RBM41: variants seen among roughly 807,000 people sequenced by gnomAD.
RBM41 encodes the protein RNA binding motif protein 41, also known as RNA-binding protein 41.
RBM41 carries 14 observed loss-of-function variants against 30.8 expected under a neutral mutation model. That is an observed-to-expected ratio of 0.45 (90% CI 0.30 to 0.71). The LOEUF is 0.71. Ranked by LOEUF, RBM41 falls within the 30% of genes least tolerant of loss-of-function variation. RBM41 has a pLI of 0.08. For synonymous variants in RBM41, 120 were observed against 110.1 expected, an observed-to-expected ratio of 1.09 and a Z score of -0.56; for missense variants, 276 against 326.3, an observed-to-expected ratio of 0.85 and a Z score of 1.19.
intron 5 of RBM41, among the ~76,000 whole-genome samples, chrX:107,097,918 A>C (rs761531017): frequency 1.8e-5 from 2 of 111,447 alleles, no homozygotes; most frequent in Non-Finnish European, 3.8e-5. Context: ...ACTGCCAATG[A>C]GCCCTAGGGA....
intron 5 of RBM41, among the ~76,000 whole-genome samples, chrX:107,104,865 C>T (rs1030665932): frequency 3.6e-5 from 4 of 110,352 alleles, no homozygotes; most frequent in East Asian, 2.8e-4. Flanking sequence ...ATGGGACGTA[C>T]CTCAAAATAA....
At chrX:107,105,221 A>C (rs891764208) in intron 5 of RBM41, among the ~76,000 whole-genome samples, 7 of 111,163 alleles carry the variant, frequency 6.3e-5, no homozygotes, top group Non-Finnish European at 1.3e-4. Context: ...TTATATACCA[A>C]TAACAGACAA....
rs1465335315 is a variant in RBM41 at position 107,066,732 on chromosome X, G to A, written c.*795C>T. The A allele has an allele frequency of 2.7e-6, 2 of 750,282 alleles. No individual in the cohort carries two copies. Among genetic ancestry groups the A allele is most frequent in the Non-Finnish European group, 3.1e-6 (2 of 637,488 alleles). The allele number at this position is 750,282 out of a possible 1,213,427, so 61.8% of individuals were successfully genotyped here. A position where few individuals can be genotyped will look rare whatever the true frequency, so the allele number is the denominator to read the frequency against. On this transcript the variant is annotated 3_prime_UTR_variant, in exon 8 of 8. Transcript: ENST00000685964. ...CAAACAACTGGGGGATTTGTGACTGGCATCCTCTTTTCTAGAGAACGCTTT... is the reference window on the plus strand; with the variant it reads ...CAAACAACTGGGGGATTTGTGACTGACATCCTCTTTTCTAGAGAACGCTTT...
At chrX:107,069,439 A>C (rs775342374) in intron 6 of RBM41, 37 bp from the exon 7 acceptor site, 1 of 1,154,069 alleles carries the variant, frequency 8.7e-7, no homozygotes, top group Non-Finnish European at 1.2e-6. Context: ...ATATCATATA[A>C]AGGAGGTAAG....
intron 5 of RBM41, among the ~76,000 whole-genome samples, chrX:107,108,085 T>C (rs993372028): frequency 9.0e-6 from 1 of 111,650 alleles, no homozygotes; most frequent in African/African-American, 3.2e-5. Flanking sequence ...ACAAGTGCTG[T>C]GGACAAAAGT....
intron 6 of RBM41, among the ~76,000 whole-genome samples, chrX:107,084,988 T>C (rs997347698): frequency 9.0e-6 from 1 of 111,608 alleles, no homozygotes; most frequent in African/African-American, 3.3e-5. Context: ...TTTTCTCTAC[T>C]GTGTAGTATT....
At chrX:107,072,225 A>G (rs1263329093) in intron 6 of RBM41, among the ~76,000 whole-genome samples, 1 of 94,340 alleles carries the variant, frequency 1.1e-5, no homozygotes, top group African/African-American at 4.7e-5. Context: ...ATGATCTTAT[A>G]TAGAGAAAAA....
At chrX:107,079,447 T>A (rs764894056) in intron 6 of RBM41, among the ~76,000 whole-genome samples, 6 of 111,727 alleles carry the variant, frequency 5.4e-5, no homozygotes, top group Non-Finnish European at 7.5e-5. Context: ...CCATGGGAAA[T>A]AACCTTATCA....
chrX:107,115,199 A>G, intron 4 of RBM41, 153 bp downstream of exon 4: 1 of 551,359 alleles, frequency 1.8e-6, no homozygotes, highest in Admixed American at 3.3e-5. Context: ...AACTGTGCAC[A>G]TATTTGTCTC....
intron 5 of RBM41, among the ~76,000 whole-genome samples, chrX:107,092,469 G>A (rs944893226): frequency 1.1e-4 from 12 of 111,425 alleles, no homozygotes; most frequent in Non-Finnish European, 5.7e-5. Flanking sequence ...TGGGCCAGGC[G>A]TGGTGGCTCA....
intron 5 of RBM41, among the ~76,000 whole-genome samples, chrX:107,103,683 C>T (rs771674219): frequency 1.1e-4 from 12 of 111,688 alleles, no homozygotes; most frequent in South Asian, 7.5e-4. Context: ...TTGATACATA[C>T]GACAATATGA....
At chrX:107,085,911 A>G (rs1439196777) in intron 6 of RBM41, among the ~76,000 whole-genome samples, 1 of 112,169 alleles carries the variant, frequency 8.9e-6, no homozygotes, top group Non-Finnish European at 1.9e-5. Flanking sequence ...AACAAAGTTA[A>G]AAGGTAAGTC....
chrX:107,115,201 A>G, intron 4 of RBM41, 151 bp downstream of exon 4: 2 of 559,299 alleles, frequency 3.6e-6, no homozygotes, highest in Non-Finnish European at 5.8e-6. Flanking sequence ...CTGTGCACAT[A>G]TTTGTCTCTC....
Position 107,065,772 on chromosome X carries a change from ATATAT to A in RBM41, c.*1750_*1754del, listed in dbSNP as rs1164542034. 2.6e-6 allele frequency: 3 copies of A among 1,149,130 alleles called. No homozygotes were observed. The highest frequency in any genetic ancestry group is 2.7e-5 in the Admixed American group (1 of 36,749). 94.7% of individuals were successfully genotyped at this position (1,149,130 alleles called of 1,213,427 possible). On this transcript the variant is annotated 3_prime_UTR_variant, in exon 8 of 8. Transcript: ENST00000685964. ...AGCTTCTTCAACCTGTTATCGGCAA[ATATAT>A]TATATTTTATACGTTATAGGCCAAA... is the stretch of plus-strand genomic sequence containing the variant.
chrX:107,063,316 T>G lies in RBM41; in HGVS notation c.*4211A>C, dbSNP rs1053269333. On this transcript the variant is annotated 3_prime_UTR_variant, in exon 8 of 8. Coordinates refer to ENST00000685964, the MANE Select transcript of RBM41 (RefSeq NM_001324242.2). Reference sequence around the variant, plus strand: ...ATAAATAGTATCATATAATATGTAGTCTTTTGTGACTGGCTTCTTGCACTG... The same window carrying G: ...ATAAATAGTATCATATAATATGTAGGCTTTTGTGACTGGCTTCTTGCACTG... Among the ~76,000 whole-genome samples, 96 of 112,017 alleles carry G rather than the reference T, an allele frequency of 8.6e-4. 1 individual carries two copies. The highest frequency in any genetic ancestry group is 2.9e-3 in the African/African-American group (91 of 30,895).
At chrX:107,100,400 G>A (rs937166809) in intron 5 of RBM41, among the ~76,000 whole-genome samples, 3 of 110,180 alleles carry the variant, frequency 2.7e-5, no homozygotes, top group South Asian at 3.9e-4. Context: ...GCTGAGGCAC[G>A]GGAATTGCTC....
chrX:107,067,717 A>C, intron 7 of RBM41, 24 bp from the exon 8 acceptor site: 1 of 1,179,804 alleles, frequency 8.5e-7, no homozygotes, highest in Non-Finnish European at 1.1e-6. Flanking sequence ...AAAAAATTTC[A>C]ATTTACATAG....
chrX:107,057,443 A>G (rs932677548), downstream of RBM41, among the ~76,000 whole-genome samples: 7 of 111,519 alleles, frequency 6.3e-5, no homozygotes, highest in Non-Finnish European at 1.3e-4. Flanking sequence ...TCATTTGTGG[A>G]TTTTCCAGTT....
At chrX:107,095,886 A>G (rs1288249502) in intron 5 of RBM41, among the ~76,000 whole-genome samples, 1 of 110,681 alleles carries the variant, frequency 9.0e-6, no homozygotes, top group Non-Finnish European at 1.9e-5. Context: ...GCATGGTGGC[A>G]TGCACCTGTA....
Sources: allele counts gnomAD v4.1 joint callset (sites outside exome capture counted in the v4.1 genomes callset), GRCh38; gene constraint gnomAD v4.1.1; transcripts MANE v1.5; gene names NCBI Gene and HGNC (gene_info 2026-07-23, HGNC 2026-07-21).